Variants in CAMTA1 observed in about 807,000 individuals in gnomAD.
CAMTA1 encodes the protein calmodulin binding transcription activator 1.
Under a neutral mutation model 170.9 loss-of-function variants are expected in CAMTA1, and 27 were observed. That is an observed-to-expected ratio of 0.16 (90% confidence interval 0.12 to 0.22). The LOEUF (loss-of-function observed/expected upper bound fraction) is 0.22. CAMTA1 is among the 10% of genes least tolerant of loss of function. The probability of loss-of-function intolerance (pLI) is 1.00; values close to 1 mark genes in which losing one functional copy is unlikely to be tolerated. For synonymous variants in CAMTA1, 833 were observed against 891.5 expected (o/e 0.93, Z 1.17); for missense variants, 1,619 against 2,217.2 (o/e 0.73, Z 5.42).
At position 7,664,734 on chromosome 1, in the gene CAMTA1, C is replaced by T. The variant is rs1463286024; in HGVS notation, c.2187C>T (p.Ser729=). Residue 729 remains serine (S), a synonymous_variant, in exon 9 of 23, where the codon AGC becomes AGT. Transcript: ENST00000303635. ...CGGAGACCAACGGGGTAATCCGAAG[C>T]GCCGGCGGCGTCCCCATCCTCCCGG... ...LQPETNGVIR[S]AGGVPILPGN... 15 of 1,608,072 alleles carry T rather than the reference C, an allele frequency of 9.3e-6. No individual in the cohort carries two copies. Among genetic ancestry groups the T allele is most frequent in the African/African-American group, 1.3e-5 (1 of 74,846 alleles).
intron 5 of CAMTA1, among the ~76,000 whole-genome samples, chr1:7,353,026 G>A (rs755699819): frequency 4.6e-5 from 7 of 152,164 alleles, no homozygotes; most frequent in African/African-American, 7.2e-5. Context: ...AGAGGCCATC[G>A]CCCTTGACCG....
intron 3 of CAMTA1, among the ~76,000 whole-genome samples, chr1:6,858,305 C>A (rs1180711057): frequency 6.6e-6 from 1 of 152,094 alleles, no homozygotes. Flanking sequence ...TACAGAACTA[C>A]TTATCCTTAG....
At chr1:6,865,976 T>G (rs2148940090) in intron 3 of CAMTA1, among the ~76,000 whole-genome samples, 1 of 152,338 alleles carries the variant, frequency 6.6e-6, no homozygotes, top group Non-Finnish European at 1.5e-5. Context: ...TAAAAAAATG[T>G]AATAGTCTTT....
At chr1:7,075,202 T>C (rs1368568117) in intron 3 of CAMTA1, among the ~76,000 whole-genome samples, 1 of 152,222 alleles carries the variant, frequency 6.6e-6, no homozygotes, top group African/African-American at 2.4e-5. Context: ...GAGTCTTCAG[T>C]GTCCAAGGGT....
At chr1:7,149,274 C>G (rs891701383) in intron 4 of CAMTA1, among the ~76,000 whole-genome samples, 1 of 152,202 alleles carries the variant, frequency 6.6e-6, no homozygotes, top group African/African-American at 2.4e-5. Flanking sequence ...CTTCTGAGCA[C>G]ATGGGCCTTT....
chr1:7,528,876 C>G (rs1250635283), intron 6 of CAMTA1, among the ~76,000 whole-genome samples: 1 of 152,200 alleles, frequency 6.6e-6, no homozygotes, highest in Non-Finnish European at 1.5e-5. Flanking sequence ...GTACTCCATC[C>G]TGAAGCAGCT....
chr1:7,323,532 T>A (rs1031946218), intron 5 of CAMTA1, among the ~76,000 whole-genome samples: 14 of 99,824 alleles, frequency 1.4e-4, no homozygotes, highest in East Asian at 6.0e-4. Context: ...TTTTTTTTTT[T>A]ATCTTTTTGA....
At chr1:7,409,635 G>A (rs893988150) in intron 5 of CAMTA1, among the ~76,000 whole-genome samples, 2 of 152,222 alleles carry the variant, frequency 1.3e-5, no homozygotes, top group African/African-American at 4.8e-5. Flanking sequence ...CTGCCCACGG[G>A]GTAGGAGGGA....
chr1:7,469,205 C>T (rs2093281346), intron 6 of CAMTA1, among the ~76,000 whole-genome samples: 1 of 152,212 alleles, frequency 6.6e-6, no homozygotes, highest in Non-Finnish European at 1.5e-5. Flanking sequence ...TCTGCCTCCC[C>T]TGGAGGCTGA....
chr1:7,051,069 G>T (rs866016646), intron 3 of CAMTA1, among the ~76,000 whole-genome samples: 5 of 152,150 alleles, frequency 3.3e-5, no homozygotes, highest in Non-Finnish European at 7.3e-5. Flanking sequence ...TTGGTGAGGC[G>T]CTGCGGCAAG....
At chr1:7,274,186 A>G (rs1241175855) in intron 5 of CAMTA1, among the ~76,000 whole-genome samples, 5 of 152,176 alleles carry the variant, frequency 3.3e-5, no homozygotes, top group Non-Finnish European at 7.4e-5. Context: ...CAAAAAAACC[A>G]TAATACTCAA....
rs1419320086 is a variant in CAMTA1, at chr1:7,034,897, A to T, written c.235-56407A>T. The stretch of plus-strand genomic sequence containing the variant: ...CCTGCCAAATACCTGCATCTAAAGA[A>T]CCATAGTTTTAAAAAAAATCAGTTG... On this transcript the variant is annotated intron_variant, in intron 3 of 22. Transcript: ENST00000303635. Among the ~76,000 whole-genome samples, 5 of 152,292 alleles carry T rather than the reference A, an allele frequency of 3.3e-5. No individual in the cohort carries two copies. In the South Asian group the frequency reaches 6.2e-4, roughly 19 times the overall value.
chr1:6,835,121 C>T (rs1221721100), intron 3 of CAMTA1, among the ~76,000 whole-genome samples: 1 of 152,194 alleles, frequency 6.6e-6, no homozygotes, highest in East Asian at 1.9e-4. Context: ...AGTTTCTATA[C>T]CTGTCCAGTA....
intron 3 of CAMTA1, among the ~76,000 whole-genome samples, chr1:7,002,072 A>AT (rs1698304176): frequency 6.6e-6 from 1 of 151,684 alleles, no homozygotes; most frequent in African/African-American, 2.4e-5. Flanking sequence ...AAATTTTTGT[A>AT]TTTTTAGTAG....
rs1380827323 is a variant in CAMTA1, at chr1:7,601,810, G to A, written c.511-38590G>A. On this transcript the variant is annotated intron_variant, in intron 6 of 22. Coordinates refer to ENST00000303635, the MANE Select transcript of CAMTA1 (RefSeq NM_015215.4). The stretch of plus-strand genomic sequence containing the variant: ...ACGAAAACCAGTCAGGCATGGCGGC[G>A]CGCGCCTGCAATCGCAGGCACTCGG... Among the ~76,000 whole-genome samples the A allele has an allele frequency of 3.7e-4, 57 of 152,274 alleles. 1 individual carries two copies. The East Asian group carries it at 5.8e-3, about 16-fold the overall frequency.
chr1:6,796,993 T>A (rs1396546887), intron 1 of CAMTA1, among the ~76,000 whole-genome samples: 4 of 152,240 alleles, frequency 2.6e-5, no homozygotes, highest in African/African-American at 9.6e-5. Context: ...GGAATCATCA[T>A]TTTAGCTAAA....
chr1:6,900,427 T>C (rs1013913253), intron 3 of CAMTA1, among the ~76,000 whole-genome samples: 2 of 151,484 alleles, frequency 1.3e-5, no homozygotes, highest in African/African-American at 4.8e-5. Flanking sequence ...TTTTCTGGAA[T>C]TTTGGACACT....
At chr1:7,226,637 A>G (rs1228656495) in intron 4 of CAMTA1, among the ~76,000 whole-genome samples, 2 of 152,158 alleles carry the variant, frequency 1.3e-5, no homozygotes, top group African/African-American at 4.8e-5. Context: ...ACACATAGAC[A>G]TATAGGTGCT....
chr1:7,457,848 C>G (rs1450970144), intron 5 of CAMTA1, among the ~76,000 whole-genome samples: 2 of 152,186 alleles, frequency 1.3e-5, no homozygotes, highest in African/African-American at 4.8e-5. Context: ...GGGTCCCCAC[C>G]TGGCGGGTCT....
Sources: gnomAD v4.1 joint callset for allele counts (sites outside exome capture counted in the v4.1 genomes callset) on GRCh38, gnomAD v4.1.1 for gene constraint, MANE v1.5 for transcripts, NCBI Gene and HGNC (gene_info 2026-07-23, HGNC 2026-07-21) for gene names.